The following USH2A variants were observed in gnomAD, a reference collection of about 807,000 sequenced individuals.
The protein encoded by USH2A is Usher syndrome 2A (autosomal recessive, mild).
In USH2A, 443 loss-of-function variants were observed where a neutral mutation model predicts 538.9. That is an observed-to-expected ratio of 0.82 (90% CI 0.76 to 0.89). The LOEUF (loss-of-function observed/expected upper bound fraction) is 0.89. Among genes scored for constraint, USH2A ranks in the 40% least tolerant of loss-of-function variants. USH2A has a pLI of 0.00. For missense variants in USH2A, 6,633 were observed against 6,324.8 expected (o/e 1.05, Z -1.65); for synonymous variants, 2,413 against 2,273.5 (o/e 1.06, Z -1.75).
chr1:215,859,594 T>C (rs1664262588), intron 44 of USH2A, among the ~76,000 whole-genome samples: 1 of 152,002 alleles, frequency 6.6e-6, no homozygotes, highest in Non-Finnish European at 1.5e-5. Flanking sequence ...ACTTTTCATA[T>C]ACATGGATTC....
chr1:215,712,974 T>C (rs1423016014), intron 61 of USH2A, among the ~76,000 whole-genome samples: 1 of 152,014 alleles, frequency 6.6e-6, no homozygotes, highest in Non-Finnish European at 1.5e-5. Flanking sequence ...GCCCGGCTAA[T>C]TTGTGTATTT....
intron 20 of USH2A, among the ~76,000 whole-genome samples, chr1:216,176,990 G>A (rs975675441): frequency 5.3e-5 from 8 of 152,142 alleles, no homozygotes; most frequent in African/African-American, 1.4e-4. Context: ...TTTGGCAATT[G>A]TGAATAAAGC....
At chr1:216,272,451 T>G (rs1244118858) in intron 11 of USH2A, among the ~76,000 whole-genome samples, 1 of 152,182 alleles carries the variant, frequency 6.6e-6, no homozygotes, top group African/African-American at 2.4e-5. Flanking sequence ...TCACTATTTT[T>G]TGTCCAATTT....
chr1:215,904,281 A>G (rs1236234715), intron 38 of USH2A, among the ~76,000 whole-genome samples: 6 of 152,100 alleles, frequency 3.9e-5, no homozygotes, highest in Admixed American at 3.3e-4. Context: ...GACAGTAGGA[A>G]GAAGTGCCCC....
chr1:215,909,982 G>A (rs919192936), intron 38 of USH2A, among the ~76,000 whole-genome samples: 2 of 151,998 alleles, frequency 1.3e-5, no homozygotes, highest in East Asian at 1.9e-4. Flanking sequence ...CATTGACTAC[G>A]GGGGACTGGA....
At chr1:216,402,679 T>C (rs1373094663) in intron 3 of USH2A, among the ~76,000 whole-genome samples, 1 of 152,170 alleles carries the variant, frequency 6.6e-6, no homozygotes, top group African/African-American at 2.4e-5. Flanking sequence ...ATGCAAAATA[T>C]GTGTTAATGG....
rs147753110 is a variant in USH2A, at chr1:215,846,177, T to G, written c.8846-144A>C. 3.3e-3 allele frequency: 2,557 copies of G among 767,016 alleles called. 9 individuals are homozygous for G. The highest frequency in any genetic ancestry group is 4.8e-3 in the Non-Finnish European group (2,241 of 466,876). The allele number at this position is 767,016 out of a possible 1,614,324, so 47.5% of individuals were successfully genotyped here. ...GAAATGTTAAAAAAAGCTTATGAGATCTCCTTTTTGGTGGTGCTGGTGGTG... is the reference window on the plus strand; with the variant it reads ...GAAATGTTAAAAAAAGCTTATGAGAGCTCCTTTTTGGTGGTGCTGGTGGTG... On this transcript the variant is annotated intron_variant, in intron 44 of 71. Transcript: ENST00000307340.
At chr1:216,036,662 C>A (rs74143913) in intron 32 of USH2A, among the ~76,000 whole-genome samples, 6,068 of 152,146 alleles carry the variant, frequency 0.04, 328 homozygotes, top group African/African-American at 0.13. Context: ...GTGCTAAATT[C>A]TAATTGCACA....
intron 21 of USH2A, among the ~76,000 whole-genome samples, chr1:216,126,128 T>C (rs1402521068): frequency 6.6e-6 from 1 of 152,150 alleles, no homozygotes; most frequent in Non-Finnish European, 1.5e-5. Context: ...CTGCTTGGGG[T>C]CTCACATGGA....
chr1:215,861,297 T>G lies in USH2A; in HGVS notation c.8845+5710A>C, dbSNP rs146362384. On this transcript the variant is annotated intron_variant, in intron 44 of 71. Transcript: ENST00000307340. ...ATAGATATATTAATTATTCATCATT[T>G]TATATTTAGTTAAAAAACAGGATAG... 3.8e-3 allele frequency among the ~76,000 whole-genome samples: 586 copies of G among 152,332 alleles called. 5 individuals carry two copies. Among genetic ancestry groups the G allele is most frequent in the African/African-American group, 0.013 (532 of 41,572 alleles).
intron 9 of USH2A, among the ~76,000 whole-genome samples, chr1:216,305,929 C>T (rs2102630105): frequency 6.6e-6 from 1 of 152,250 alleles, no homozygotes; most frequent in Non-Finnish European, 1.5e-5. Context: ...GCTTTTGCCT[C>T]ACAGCTCTTA....
Position 216,050,604 on chromosome 1 carries a change from C to CTTTCTTTCTTTCT in USH2A, c.6050-1958_6050-1957insAGAAAGAAAGAAA, listed in dbSNP as rs1195871302. Among the ~76,000 whole-genome samples, 362 of 68,596 alleles carry CTTTCTTTCTTTCT rather than the reference C, an allele frequency of 5.3e-3. 14 individuals are homozygous for CTTTCTTTCTTTCT. Among genetic ancestry groups the CTTTCTTTCTTTCT allele is most frequent in the African/African-American group, 0.017 (318 of 18,814 alleles). The allele number at this position is 68,596 out of a possible 152,430, so 45.0% of individuals were successfully genotyped here. On this transcript the variant is annotated intron_variant, in intron 30 of 71. Coordinates refer to ENST00000307340, the MANE Select transcript of USH2A (RefSeq NM_206933.4). ...TCTTTCTTTCTTTCTTTCTTTCTTTCTTTTTTTTTTTTTTTTTTGAGACAG... is the reference window on the plus strand; with the variant it reads ...TCTTTCTTTCTTTCTTTCTTTCTTTCTTTCTTTCTTTCTTTTTTTTTTTTTTTTTTTGAGACAG...
chr1:215,958,249 A>G (rs2102447964), intron 37 of USH2A, among the ~76,000 whole-genome samples: 1 of 152,228 alleles, frequency 6.6e-6, no homozygotes, highest in African/African-American at 2.4e-5. Context: ...ACCTTGAAAA[A>G]TCAACTGCAT....
chr1:216,123,818 A>C (rs1292152529), intron 21 of USH2A, among the ~76,000 whole-genome samples: 2 of 152,194 alleles, frequency 1.3e-5, no homozygotes, highest in Non-Finnish European at 2.9e-5. Context: ...CCTAAATATA[A>C]GTTAAACACC....
intron 21 of USH2A, among the ~76,000 whole-genome samples, chr1:216,119,809 G>C (rs1310085424): frequency 6.6e-6 from 1 of 151,988 alleles, no homozygotes; most frequent in Non-Finnish European, 1.5e-5. Context: ...TTGGTAGCAG[G>C]CAATGTTGAT....
chr1:216,017,986 T>C (rs1280181060), intron 32 of USH2A, among the ~76,000 whole-genome samples: 1 of 151,986 alleles, frequency 6.6e-6, no homozygotes, highest in Non-Finnish European at 1.5e-5. Flanking sequence ...AGTCTCATGC[T>C]ACCCTTAAGA....
intron 3 of USH2A, among the ~76,000 whole-genome samples, chr1:216,418,054 C>G (rs1214846891): frequency 1.3e-5 from 2 of 152,038 alleles, no homozygotes; most frequent in African/African-American, 4.8e-5. Flanking sequence ...GTGTAAAGTT[C>G]ATTAGTTCTA....
intron 21 of USH2A, among the ~76,000 whole-genome samples, chr1:216,138,967 G>GATTC (rs2033544367): frequency 6.6e-6 from 1 of 150,930 alleles, no homozygotes; most frequent in Non-Finnish European, 1.5e-5. Flanking sequence ...TGTATATATG[G>GATTC]TTTTCCTCTT....
Position 215,623,481 on chromosome 1 carries a change from G to A in USH2A, c.*2300C>T, listed in dbSNP as rs1481238917. 6.6e-6 allele frequency: 1 copy of A among 151,298 alleles called. No homozygotes were observed. The highest frequency in any genetic ancestry group is 1.5e-5 in the Non-Finnish European group (1 of 67,582). The allele number at this position is 151,298 out of a possible 1,614,324, so 9.4% of individuals were successfully genotyped here. A position where few individuals can be genotyped will look rare whatever the true frequency, so the allele number is the denominator to read the frequency against. On this transcript the variant is annotated 3_prime_UTR_variant, in exon 72 of 72. Coordinates refer to ENST00000307340, the MANE Select transcript of USH2A (RefSeq NM_206933.4). ...CAGATCAACCGAATCAGAATCTCTA[G>A]AGGCGAGTCTGCATGGTTTGTATAA...
Sources: gnomAD v4.1 joint callset for allele counts (sites outside exome capture counted in the v4.1 genomes callset) on GRCh38, gnomAD v4.1.1 for gene constraint, MANE v1.5 for transcripts, NCBI Gene and HGNC (gene_info 2026-07-23, HGNC 2026-07-21) for gene names.